Variants in MYH10 observed in about 807,000 individuals in gnomAD.
MYH10 encodes myosin heavy chain 10, also known as myosin-10.
In MYH10, 55 loss-of-function variants were observed where a neutral mutation model predicts 257.8. That is an observed-to-expected ratio of 0.21 (90% CI 0.17 to 0.27). The LOEUF is 0.27. Among genes scored for constraint, MYH10 ranks in the 10% least tolerant of loss-of-function variants. The probability of loss-of-function intolerance (pLI) is 1.00; values close to 1 mark genes in which losing one functional copy is unlikely to be tolerated. For synonymous variants in MYH10, 854 were observed against 921.7 expected (o/e 0.93, Z 1.33); for missense variants, 1,631 against 2,500.6 (o/e 0.65, Z 7.42).
intron 30 of MYH10, among the ~76,000 whole-genome samples, chr17:8,495,993 G>A (rs1184860871): frequency 6.6e-6 from 1 of 152,164 alleles, no homozygotes; most frequent in African/African-American, 2.4e-5. Flanking sequence ...ACAGATGTGA[G>A]CCACCACACC....
At chr17:8,481,757 C>G (rs1913857800) in intron 37 of MYH10, among the ~76,000 whole-genome samples, 1 of 152,202 alleles carries the variant, frequency 6.6e-6, no homozygotes, top group African/African-American at 2.4e-5. Context: ...ACCCTGAACC[C>G]TAAGAAACAT....
chr17:8,598,347 C>T (rs1219618178), intron 3 of MYH10, among the ~76,000 whole-genome samples: 3 of 152,200 alleles, frequency 2.0e-5, no homozygotes, highest in South Asian at 4.1e-4. Context: ...TTCTTGATCA[C>T]ACTTGCCAAA....
In MYH10 at chr17:8,474,245, T is replaced by C. The variant is rs928127839; in HGVS notation, c.*1559A>G. ...ATTATTCTTGTTTATTGAGGTCTCT[T>C]TATTCTCCACGGGTGCTTTTTTCTT... On this transcript the variant is annotated 3_prime_UTR_variant, in exon 43 of 43. Transcript: ENST00000360416. The C allele has an allele frequency of 6.5e-6, 1 of 152,678 alleles. No homozygotes were observed. The highest frequency in any genetic ancestry group is 2.4e-5 in the African/African-American group (1 of 41,466). The allele number at this position is 152,678 out of a possible 1,614,324, so 9.5% of individuals were successfully genotyped here.
chr17:8,622,888 G>A lies in MYH10; in HGVS notation c.345+14C>T. On this transcript the variant is annotated intron_variant, in intron 2 of 42. Transcript: ENST00000360416. Reference sequence around the variant, plus strand: ...AGCTACCACTTCACATGATTATTTGGAAGAAATACTTACATAGATTAGTCC... The same window carrying A: ...AGCTACCACTTCACATGATTATTTGAAAGAAATACTTACATAGATTAGTCC... The A allele has an allele frequency of 6.2e-7, 1 of 1,608,790 alleles. No homozygotes were observed. The highest frequency in any genetic ancestry group is 8.5e-7 in the Non-Finnish European group (1 of 1,178,018).
chr17:8,609,091 A>G (rs1189418494), intron 2 of MYH10, among the ~76,000 whole-genome samples: 3 of 152,200 alleles, frequency 2.0e-5, no homozygotes, highest in East Asian at 1.9e-4. Flanking sequence ...GATTACAGGC[A>G]TGAGCCACCG....
chr17:8,496,028 A>C (rs550942057), intron 30 of MYH10, among the ~76,000 whole-genome samples: 52 of 152,178 alleles, frequency 3.4e-4, no homozygotes, highest in Non-Finnish European at 6.8e-4. Flanking sequence ...TTTAGGTTTC[A>C]AAAAACTGGT....
At chr17:8,630,021 C>G (rs1000655985) in intron 1 of MYH10, among the ~76,000 whole-genome samples, 1 of 152,014 alleles carries the variant, frequency 6.6e-6, no homozygotes, top group Non-Finnish European at 1.5e-5. Flanking sequence ...GCGCGCGCCG[C>G]CCGCCTTCCA....
At chr17:8,627,375 C>G (rs1025009274) in intron 1 of MYH10, among the ~76,000 whole-genome samples, 3 of 152,186 alleles carry the variant, frequency 2.0e-5, no homozygotes, top group Non-Finnish European at 2.9e-5. Flanking sequence ...TTCTCCACAA[C>G]CAAAAAGCTA....
chr17:8,476,051 C>G, intron 42 of MYH10, 103 bp from the exon 43 acceptor site: 1 of 1,311,310 alleles, frequency 7.6e-7, no homozygotes, highest in Non-Finnish European at 1.0e-6. Context: ...CCTTGCACCC[C>G]CTCCTCGGAC....
chr17:8,498,550 AG>A (rs771444544), intron 30 of MYH10, among the ~76,000 whole-genome samples: 14 of 152,112 alleles, frequency 9.2e-5, no homozygotes, highest in Non-Finnish European at 1.8e-4. Context: ...ACTGTCCTTT[AG>A]AAGAGGTTGC....
rs199551457 is a variant in MYH10, at chr17:8,563,906, A to G, written c.756+5814T>C. 9.2e-3 allele frequency among the ~76,000 whole-genome samples: 1,178 copies of G among 128,394 alleles called. 5 individuals are homozygous for G. The highest frequency in any genetic ancestry group is 0.015 in the Middle Eastern group (4 of 264). The allele number at this position is 128,394 out of a possible 152,430, so 84.2% of individuals were successfully genotyped here. Reference sequence around the variant, plus strand: ...AGTCAACTTGGAAAAAAAAAAAAAAAAGAGAGAGAGAAAGAAAATAAAAGG... The same window carrying G: ...AGTCAACTTGGAAAAAAAAAAAAAAGAGAGAGAGAGAAAGAAAATAAAAGG... On this transcript the variant is annotated intron_variant, in intron 7 of 42. Transcript: ENST00000360416.
At chr17:8,561,309 C>T in intron 7 of MYH10, 1 of 1,098,290 alleles carries the variant, frequency 9.1e-7, no homozygotes, top group Non-Finnish European at 1.4e-6. Flanking sequence ...ACTAACTGTG[C>T]CCGATGCATG....
chr17:8,505,706 T>C (rs2036027), intron 27 of MYH10, among the ~76,000 whole-genome samples: 146,570 of 152,200 alleles, frequency 0.96, 70,824 homozygotes, highest in East Asian at 1. Context: ...ACAGGCTGGG[T>C]GAGGTGGCTC....
chr17:8,524,472 A>C, intron 17 of MYH10, among the ~76,000 whole-genome samples: 1 of 107,158 alleles, frequency 9.3e-6, no homozygotes, highest in Non-Finnish European at 1.9e-5. Context: ...AAAAAAAAAA[A>C]AAAAAAAAAA....
chr17:8,615,519 C>G (rs893500888), intron 2 of MYH10, among the ~76,000 whole-genome samples: 1 of 152,116 alleles, frequency 6.6e-6, no homozygotes. Context: ...GTTAATCTCA[C>G]TGATGAATGA....
chr17:8,499,995 T>A (rs576967230), intron 29 of MYH10, among the ~76,000 whole-genome samples: 1 of 152,264 alleles, frequency 6.6e-6, no homozygotes, highest in East Asian at 1.9e-4. Context: ...CCTGGCTTAA[T>A]TACCTAACAC....
intron 29 of MYH10, 35 bp downstream of exon 29, chr17:8,500,791 C>G: frequency 6.2e-7 from 1 of 1,601,100 alleles, no homozygotes; most frequent in Non-Finnish European, 8.5e-7. Context: ...GACAGACTTT[C>G]TCCAGGCCAC....
intron 29 of MYH10, among the ~76,000 whole-genome samples, chr17:8,499,982 G>C (rs1917262472): frequency 6.6e-6 from 1 of 152,154 alleles, no homozygotes; most frequent in African/African-American, 2.4e-5. Flanking sequence ...CCAGCTGTGT[G>C]ACCCTGGCTT....
rs1597832672 is a variant in MYH10, at chr17:8,561,382, G to A, written c.757-7364C>T. ...ACACAGTGGAGGCCGCAGCAGTCAG[G>A]GGCATTCTGAAGCAAGTGTCTTCGA... On this transcript the variant is annotated intron_variant, in intron 7 of 42. Transcript: ENST00000360416. The A allele has an allele frequency of 1.7e-5, 19 of 1,123,962 alleles. No homozygotes were observed. The East Asian group carries it at 4.4e-4, about 26-fold the overall frequency. 69.6% of individuals were successfully genotyped at this position (1,123,962 alleles called of 1,614,324 possible). A position where few individuals can be genotyped will look rare whatever the true frequency, so the allele number is the denominator to read the frequency against.
Sources: gnomAD v4.1 joint callset for allele counts (sites outside exome capture counted in the v4.1 genomes callset) on GRCh38, gnomAD v4.1.1 for gene constraint, MANE v1.5 for transcripts, NCBI Gene and HGNC (gene_info 2026-07-23, HGNC 2026-07-21) for gene names.